Variants in SVEP1 observed in about 807,000 individuals in gnomAD.
SVEP1 encodes sushi, von Willebrand factor type A, EGF and pentraxin domain-containing protein 1.
SVEP1 carries 164 observed loss-of-function variants against 367.3 expected under a neutral mutation model. The ratio of observed to expected loss-of-function variants is 0.45; its 90% confidence interval spans 0.39 to 0.51. SVEP1 has a LOEUF of 0.51. SVEP1 is among the 20% of genes least tolerant of loss of function. The pLI, the probability that SVEP1 is intolerant of heterozygous loss-of-function variation, is 0.00. For synonymous variants in SVEP1, 1,666 were observed against 1,611.6 expected (o/e 1.03, Z -0.81); for missense variants, 4,117 against 4,425.3 (o/e 0.93, Z 1.98).
intron 1 of SVEP1, among the ~76,000 whole-genome samples, chr9:110,563,493 A>G (rs1187627096): frequency 6.6e-6 from 1 of 152,212 alleles, no homozygotes; most frequent in Non-Finnish European, 1.5e-5. Context: ...CCCTTGAATT[A>G]AATTTATTCA....
intron 6 of SVEP1, among the ~76,000 whole-genome samples, chr9:110,502,447 T>C (rs1829549399): frequency 6.6e-6 from 1 of 152,150 alleles, no homozygotes; most frequent in East Asian, 1.9e-4. Context: ...TTTTAAATTC[T>C]ATTTTATTAC....
intron 3 of SVEP1, among the ~76,000 whole-genome samples, chr9:110,519,065 C>T (rs1829843589): frequency 6.6e-6 from 1 of 152,130 alleles, no homozygotes. Context: ...TTGTACTGTC[C>T]CCTTCCCCTG....
chr9:110,567,778 CACAGAGG>C (rs992029791), intron 1 of SVEP1, among the ~76,000 whole-genome samples: 2 of 152,222 alleles, frequency 1.3e-5, no homozygotes, highest in African/African-American at 2.4e-5. Context: ...TTCAAGCTGC[CACAGAGG>C]ACCCTGCTGA....
At position 110,403,593 on chromosome 9, in the gene SVEP1, G is replaced by A. The variant is rs529011099; in HGVS notation, c.9666+734C>T. Among the ~76,000 whole-genome samples, 4 of 151,678 alleles carry A rather than the reference G, an allele frequency of 2.6e-5. No individual in the cohort carries two copies. In the South Asian group the frequency reaches 6.2e-4, roughly 24 times the overall value. ...GCTGGGATTACAGGCGTGAGCCACC[G>A]TGCCCGGCCCGATTCCCATTTTCAA... On this transcript the variant is annotated intron_variant, in intron 39 of 47. Coordinates refer to ENST00000374469, the MANE Select transcript of SVEP1 (RefSeq NM_153366.4).
chr9:110,432,284 A>C (rs1459289371), intron 31 of SVEP1, among the ~76,000 whole-genome samples, 178 bp downstream of exon 31: 3 of 152,214 alleles, frequency 2.0e-5, no homozygotes, highest in Non-Finnish European at 4.4e-5. Flanking sequence ...CCTGATAAAA[A>C]TTTAAAACAT....
At chr9:110,510,721 T>G (rs1245900294) in intron 5 of SVEP1, among the ~76,000 whole-genome samples, 4 of 152,218 alleles carry the variant, frequency 2.6e-5, no homozygotes, top group African/African-American at 7.2e-5. Context: ...TCACTCCTCT[T>G]TGGAAGGCTA....
At chr9:110,428,725 C>T (rs1828299980) in intron 35 of SVEP1, among the ~76,000 whole-genome samples, 1 of 152,030 alleles carries the variant, frequency 6.6e-6, no homozygotes, top group South Asian at 2.1e-4. Context: ...AGAACATCCT[C>T]ATATTTATAA....
At chr9:110,387,844 AGAG>A (rs555906564) in intron 41 of SVEP1, among the ~76,000 whole-genome samples, 2 of 152,256 alleles carry the variant, frequency 1.3e-5, no homozygotes, top group South Asian at 4.1e-4. Context: ...CAAATAAAAT[AGAG>A]GATGCCCTGT....
intron 10 of SVEP1, among the ~76,000 whole-genome samples, chr9:110,483,044 G>A (rs146264044): frequency 9.2e-4 from 140 of 152,242 alleles, no homozygotes; most frequent in African/African-American, 3.3e-3. Context: ...GTCCTACAAA[G>A]CAACTAGGCA....
At chr9:110,471,634 AT>A (rs1444531524) in intron 15 of SVEP1, 37 bp from the exon 16 acceptor site, 2 of 1,467,280 alleles carry the variant, frequency 1.4e-6, no homozygotes, top group Non-Finnish European at 1.9e-6. Context: ...ACACAAACAC[AT>A]GGTGTTTCAG....
In SVEP1 at chr9:110,546,313, G is replaced by A. The variant is rs752770354; in HGVS notation, c.788-22C>T. The stretch of plus-strand genomic sequence containing the variant: ...AGATCTACAAATAACATATGACAGA[G>A]GGCGATAAAAATGAGTCACAGTTCA... On this transcript the variant is annotated intron_variant, in intron 2 of 47. Transcript: ENST00000374469. 3.2e-6 allele frequency: 5 copies of A among 1,559,428 alleles called. No individual in the cohort carries two copies. In the African/African-American group the frequency reaches 6.8e-5, roughly 21 times the overall value.
intron 44 of SVEP1, among the ~76,000 whole-genome samples, chr9:110,379,127 CTCTT>C (rs563873446): frequency 1.2e-3 from 190 of 152,162 alleles, no homozygotes; most frequent in African/African-American, 4.3e-3. Context: ...GCCTCATTAC[CTCTT>C]TCTATTTTGC....
chr9:110,374,364 A>C (rs907563684), intron 46 of SVEP1, among the ~76,000 whole-genome samples: 1 of 152,182 alleles, frequency 6.6e-6, no homozygotes, highest in Non-Finnish European at 1.5e-5. Context: ...AAAGTAAAAA[A>C]ATAGGCTGGA....
intron 10 of SVEP1, 94 bp downstream of exon 10, chr9:110,483,492 A>C: frequency 1.5e-6 from 1 of 677,792 alleles, no homozygotes; most frequent in Non-Finnish European, 2.3e-6. Flanking sequence ...GACAGTTGTT[A>C]TTTGCTTTTT....
intron 3 of SVEP1, among the ~76,000 whole-genome samples, chr9:110,518,688 ATATC>A (rs1479135641): frequency 1.3e-5 from 2 of 152,026 alleles, no homozygotes; most frequent in Non-Finnish European, 1.5e-5. Flanking sequence ...ATCTCCTTCA[ATATC>A]TAAATAAAAC....
At position 110,434,326 on chromosome 9, in the gene SVEP1, G is replaced by A. The variant is rs1828398946; in HGVS notation, c.5059+10C>T. On this transcript the variant is annotated intron_variant, in intron 30 of 47. Coordinates refer to ENST00000374469, the MANE Select transcript of SVEP1 (RefSeq NM_153366.4). Reference sequence around the variant, plus strand: ...AAGTCACTGAAATGGCTTCAAGAAAGGCAGCTCACGTTCACAGTGAGGAAG... The same window carrying A: ...AAGTCACTGAAATGGCTTCAAGAAAAGCAGCTCACGTTCACAGTGAGGAAG... The A allele has an allele frequency of 6.3e-7, 1 of 1,582,368 alleles. No individual in the cohort carries two copies. Among genetic ancestry groups the A allele is most frequent in the East Asian group, 2.3e-5 (1 of 44,226 alleles).
rs1206702877 is a variant in SVEP1, at chr9:110,479,673, T to A, written c.2449A>T (p.Lys817Ter). The A allele has an allele frequency of 6.2e-7, 1 of 1,610,298 alleles. No individual in the cohort carries two copies. Among genetic ancestry groups the A allele is most frequent in the African/African-American group, 1.3e-5 (1 of 74,740 alleles). ...GTCGTCTCAAATGCTTCAGAAAACT[T>A]CTTCATCAGATCTGTGTCATCACAA... Reference protein sequence around the residue: ...ARCDDTDLMKKFSEAFETTLG... With the variant: ...ARCDDTDLMK The change falls in exon 13 of 48, where the codon AAG becomes TAG. Residue 817 changes from lysine to a stop codon, truncating the protein, a stop_gained. Coordinates refer to ENST00000374469, the MANE Select transcript of SVEP1 (RefSeq NM_153366.4). LOFTEE classifies it high-confidence loss of function.
chr9:110,416,839 A>G (rs918239043), intron 36 of SVEP1, among the ~76,000 whole-genome samples: 4 of 152,062 alleles, frequency 2.6e-5, no homozygotes, highest in African/African-American at 9.7e-5. Flanking sequence ...TGTGGACCAG[A>G]TACTTCTTAG....
intron 1 of SVEP1, among the ~76,000 whole-genome samples, chr9:110,574,048 G>A (rs1020709726): frequency 5.9e-5 from 9 of 152,192 alleles, no homozygotes; most frequent in Non-Finnish European, 1.0e-4. Flanking sequence ...CCCTCGAGTT[G>A]TCCAATTCTG....
Sources: allele counts gnomAD v4.1 joint callset (sites outside exome capture counted in the v4.1 genomes callset), GRCh38; gene constraint gnomAD v4.1.1; transcripts MANE v1.5; gene names NCBI Gene and HGNC (gene_info 2026-07-23, HGNC 2026-07-21).